Variants in XYLT1 observed in about 807,000 individuals in gnomAD.
XYLT1 encodes beta-D-xylosyltransferase 1.
Under a neutral mutation model 91.3 loss-of-function variants are expected in XYLT1, and 36 were observed. That is an observed-to-expected ratio of 0.39 (90% confidence interval 0.30 to 0.52). The LOEUF (loss-of-function observed/expected upper bound fraction) is 0.52. Ranked by LOEUF, XYLT1 falls within the 20% of genes least tolerant of loss-of-function variation. XYLT1 has a pLI of 0.68. For synonymous variants in XYLT1, 588 were observed against 532.0 expected, an observed-to-expected ratio of 1.11 and a Z score of -1.45; for missense variants, 1,242 against 1,284.5, an observed-to-expected ratio of 0.97 and a Z score of 0.51.
intron 2 of XYLT1, among the ~76,000 whole-genome samples, chr16:17,306,769 T>G (rs887157619): frequency 6.6e-6 from 1 of 152,174 alleles, no homozygotes; most frequent in Middle Eastern, 3.2e-3. Context: ...TCCAAATTCC[T>G]AGAAATATAT....
rs556242036 is a variant in XYLT1 at position 17,415,670 on chromosome 16, C to G, written c.363+54764G>C. On this transcript the variant is annotated intron_variant, in intron 1 of 11. Transcript: ENST00000261381. Reference sequence around the variant, plus strand: ...TAGCACCATTGCACTCCAGCTTGGGCTACAGAGTGAGACTCTGTCTCAAAA... The same window carrying G: ...TAGCACCATTGCACTCCAGCTTGGGGTACAGAGTGAGACTCTGTCTCAAAA... Among the ~76,000 whole-genome samples the G allele has an allele frequency of 5.9e-5, 9 of 151,944 alleles. No individual in the cohort carries two copies. In the South Asian group the frequency reaches 1.9e-3, roughly 32 times the overall value.
intron 1 of XYLT1, among the ~76,000 whole-genome samples, chr16:17,419,272 G>A (rs941121564): frequency 6.0e-4 from 91 of 150,672 alleles, no homozygotes; most frequent in East Asian, 2.0e-4. Flanking sequence ...AGACCTGGAG[G>A]TTGAGGCTGC....
chr16:17,123,077 A>C (rs2030132361), intron 10 of XYLT1, among the ~76,000 whole-genome samples: 1 of 151,970 alleles, frequency 6.6e-6, no homozygotes, highest in African/African-American at 2.4e-5. Context: ...TTAGTTCCAT[A>C]TGAATTTTAG....
intron 2 of XYLT1, among the ~76,000 whole-genome samples, chr16:17,297,999 C>T (rs565108113): frequency 1.9e-4 from 29 of 150,082 alleles, no homozygotes; most frequent in Admixed American, 1.0e-3. Context: ...CCAGCCTGGG[C>T]GACGAGCGAG....
chr16:17,326,315 TC>T (rs2034800751), intron 2 of XYLT1, among the ~76,000 whole-genome samples: 1 of 152,178 alleles, frequency 6.6e-6, no homozygotes, highest in Admixed American at 6.6e-5. Flanking sequence ...CTCCCCATTT[TC>T]CTCTCCCCCA....
chr16:17,221,429 C>T (rs968619940), intron 3 of XYLT1, among the ~76,000 whole-genome samples: 2 of 152,152 alleles, frequency 1.3e-5, no homozygotes, highest in African/African-American at 4.8e-5. Context: ...CAGATGCCAT[C>T]ATTATCCCAC....
intron 1 of XYLT1, among the ~76,000 whole-genome samples, chr16:17,379,327 G>A (rs569014052): frequency 2.0e-5 from 3 of 152,298 alleles, no homozygotes; most frequent in African/African-American, 4.8e-5. Flanking sequence ...AAAACTCAGC[G>A]CAAATGGCTG....
chr16:17,233,988 C>G (rs994857567), intron 3 of XYLT1, among the ~76,000 whole-genome samples: 1 of 152,188 alleles, frequency 6.6e-6, no homozygotes, highest in African/African-American at 2.4e-5. Context: ...CTTGCTCTCC[C>G]TAAGTCCTAG....
chr16:17,277,835 C>T (rs928681022), intron 2 of XYLT1, among the ~76,000 whole-genome samples: 1 of 152,092 alleles, frequency 6.6e-6, no homozygotes, highest in Non-Finnish European at 1.5e-5. Context: ...CTGCAAAGGA[C>T]CTGATTTTGT....
intron 2 of XYLT1, among the ~76,000 whole-genome samples, chr16:17,279,562 G>A (rs1161422740): frequency 6.6e-6 from 1 of 152,130 alleles, no homozygotes; most frequent in Non-Finnish European, 1.5e-5. Context: ...GAAACACCTA[G>A]AAAATTGGCT....
intron 3 of XYLT1, among the ~76,000 whole-genome samples, chr16:17,206,917 C>G (rs1475091520): frequency 2.0e-5 from 3 of 152,100 alleles, no homozygotes; most frequent in African/African-American, 7.2e-5. Context: ...TGGAAAAACC[C>G]AAATGAGGGA....
At chr16:17,442,488 G>A (rs1350738426) in intron 1 of XYLT1, among the ~76,000 whole-genome samples, 2 of 152,104 alleles carry the variant, frequency 1.3e-5, no homozygotes, top group African/African-American at 4.8e-5. Context: ...TGTCTGTGAG[G>A]GCGGTTCTGA....
chr16:17,450,282 G>C lies in XYLT1; in HGVS notation c.363+20152C>G, dbSNP rs1185304408. Among the ~76,000 whole-genome samples the C allele has an allele frequency of 9.9e-5, 15 of 152,178 alleles. No homozygotes were observed. The South Asian group carries it at 1.9e-3, about 19-fold the overall frequency. On this transcript the variant is annotated intron_variant, in intron 1 of 11. Transcript: ENST00000261381. ...GAACCCAGGAGGCAGAGGTTGCAGTGAGCTGAGATTGCGCCACTGCACTCC... is the reference window on the plus strand; with the variant it reads ...GAACCCAGGAGGCAGAGGTTGCAGTCAGCTGAGATTGCGCCACTGCACTCC...
intron 2 of XYLT1, among the ~76,000 whole-genome samples, chr16:17,287,939 CTT>C (rs34525791): frequency 5.5e-5 from 8 of 144,618 alleles, no homozygotes; most frequent in Admixed American, 6.9e-5. Flanking sequence ...CATAATTTTT[CTT>C]TTTTTTTTTT....
chr16:17,131,331 C>T (rs7187607), intron 9 of XYLT1, among the ~76,000 whole-genome samples: 145,071 of 152,312 alleles, frequency 0.95, 69,144 homozygotes, highest in Middle Eastern at 0.98. Flanking sequence ...TGCCGCACAA[C>T]CAATCATCAT....
At chr16:17,391,431 G>A (rs530688832) in intron 1 of XYLT1, among the ~76,000 whole-genome samples, 31 of 152,242 alleles carry the variant, frequency 2.0e-4, no homozygotes, top group African/African-American at 7.0e-4. Context: ...TTTCCAGAGA[G>A]ACTGATTTGA....
At chr16:17,452,529 T>C (rs1011012727) in intron 1 of XYLT1, among the ~76,000 whole-genome samples, 9 of 152,148 alleles carry the variant, frequency 5.9e-5, no homozygotes, top group Non-Finnish European at 1.3e-4. Context: ...AGACTACCAG[T>C]TTTCCTCTGG....
intron 2 of XYLT1, among the ~76,000 whole-genome samples, chr16:17,300,674 G>A (rs572753294): frequency 6.6e-6 from 1 of 151,462 alleles, no homozygotes; most frequent in South Asian, 2.1e-4. Context: ...TGGCCACGCT[G>A]GTCTGGAACT....
At chr16:17,308,703 T>G (rs1010942718) in intron 2 of XYLT1, among the ~76,000 whole-genome samples, 17 of 152,186 alleles carry the variant, frequency 1.1e-4, no homozygotes, top group African/African-American at 4.1e-4. Flanking sequence ...AGACCCAGTT[T>G]CAGGGTAAAT....
Sources: allele counts gnomAD v4.1 joint callset (sites outside exome capture counted in the v4.1 genomes callset), GRCh38; gene constraint gnomAD v4.1.1; transcripts MANE v1.5; gene names NCBI Gene and HGNC (gene_info 2026-07-23, HGNC 2026-07-21).